Variants in SNX13 observed in about 807,000 individuals in gnomAD.
SNX13 encodes the protein sorting nexin 13.
SNX13 carries 45 observed loss-of-function variants against 133.6 expected under a neutral mutation model. The observed-to-expected ratio is 0.34, with a 90% CI of 0.27 to 0.43. The LOEUF (loss-of-function observed/expected upper bound fraction) is 0.43. Among genes scored for constraint, SNX13 ranks in the 20% least tolerant of loss-of-function variants. SNX13 has a pLI of 1.00. For synonymous variants in SNX13, 414 were observed against 373.9 expected (o/e 1.11, Z -1.24); for missense variants, 1,032 against 1,145.1 (o/e 0.90, Z 1.43).
At chr7:17,897,935 A>ATTC (rs3056696) in intron 1 of SNX13, 91,629 of 151,390 alleles carry the variant, frequency 0.61, 29,023 homozygotes, top group African/African-American at 0.8. Flanking sequence ...AAGGTAAGAA[A>ATTC]TTATCTCATT....
Position 17,850,919 on chromosome 7 carries a change from T to C in SNX13, c.883A>G (p.Lys295Glu). 6.2e-7 allele frequency: 1 copy of C among 1,610,188 alleles called. No individual in the cohort carries two copies. Among genetic ancestry groups the C allele is most frequent in the Non-Finnish European group, 8.5e-7 (1 of 1,178,932 alleles). Residue 295 changes from lysine (K) to glutamate (E), a missense_variant, in exon 10 of 26, where the codon AAA becomes GAA. Coordinates refer to ENST00000428135, the MANE Select transcript of SNX13 (RefSeq NM_015132.5). Reference protein sequence around the residue: ...CNYEAFMNIIKLSDNIGELEA... With the variant: ...CNYEAFMNIIELSDNIGELEA... ...AGCTCTCCAATATTGTCACTCAATT[T>C]AATAATGTTCATAAAGGCCTCATAG... is the stretch of plus-strand genomic sequence containing the variant.
rs548430343 is a variant in SNX13, at chr7:17,890,162, C to T, written c.440+201G>A. 1.4e-5 allele frequency: 6 copies of T among 417,814 alleles called. No homozygotes were observed. In the South Asian group the frequency reaches 4.0e-4, roughly 28 times the overall value. 25.9% of individuals were successfully genotyped at this position (417,814 alleles called of 1,614,324 possible). On this transcript the variant is annotated intron_variant, in intron 5 of 25. Transcript: ENST00000428135. ...AGAAAGCAGGGCTTAATCAAAATAA[C>T]ATTCTGTAAAAACCTAAAATCTGGG...
intron 17 of SNX13, among the ~76,000 whole-genome samples, chr7:17,825,229 A>G (rs993891243): frequency 1.3e-5 from 2 of 151,482 alleles, no homozygotes; most frequent in South Asian, 4.2e-4. Flanking sequence ...TTAAAAAGAT[A>G]CAAGTTAATG....
intron 24 of SNX13, among the ~76,000 whole-genome samples, chr7:17,797,698 G>C (rs1784208611): frequency 6.6e-6 from 1 of 151,710 alleles, no homozygotes; most frequent in Admixed American, 6.6e-5. Context: ...AATTTTTAAA[G>C]CTCTAGAGGT....
intron 5 of SNX13, 137 bp from the exon 6 acceptor site, chr7:17,875,927 C>T (rs1794679539): frequency 1.6e-6 from 1 of 624,886 alleles, no homozygotes; most frequent in Non-Finnish European, 2.5e-6. Flanking sequence ...TCATTATTAC[C>T]TGTTAGTACT....
At chr7:17,933,361 G>A (rs1356510202) in intron 1 of SNX13, among the ~76,000 whole-genome samples, 3 of 152,078 alleles carry the variant, frequency 2.0e-5, no homozygotes, top group Non-Finnish European at 4.4e-5. Context: ...GGCTAACCTG[G>A]TGAAACCCCG....
chr7:17,830,099 G>A (rs1157474026), intron 15 of SNX13, 52 bp from the exon 16 acceptor site: 4 of 1,373,054 alleles, frequency 2.9e-6, no homozygotes. Flanking sequence ...TAAAACGGTT[G>A]CTTTATCTAA....
At chr7:17,818,872 T>C (rs1443395833) in intron 18 of SNX13, among the ~76,000 whole-genome samples, 2 of 152,202 alleles carry the variant, frequency 1.3e-5, no homozygotes, top group East Asian at 1.9e-4. Context: ...ATGGTGCATA[T>C]TTTTACTCAG....
chr7:17,840,670 A>G (rs1789765623), intron 12 of SNX13, among the ~76,000 whole-genome samples: 1 of 152,086 alleles, frequency 6.6e-6, no homozygotes, highest in Admixed American at 6.6e-5. Flanking sequence ...AAACAAAACA[A>G]AGCTCTACCT....
intron 1 of SNX13, among the ~76,000 whole-genome samples, chr7:17,916,691 A>C (rs1014212181): frequency 2.0e-5 from 3 of 151,808 alleles, no homozygotes; most frequent in African/African-American, 7.3e-5. Flanking sequence ...AAAAAAAAAA[A>C]CCCTGGACCA....
chr7:17,881,440 A>G (rs1011377591), intron 5 of SNX13: 1 of 152,122 alleles, frequency 6.6e-6, no homozygotes, highest in Admixed American at 6.5e-5. Context: ...AATATGTATT[A>G]ATCTTCAACA....
chr7:17,798,515 T>C (rs1784291651), intron 24 of SNX13, among the ~76,000 whole-genome samples, 175 bp downstream of exon 24: 1 of 151,850 alleles, frequency 6.6e-6, no homozygotes, highest in Non-Finnish European at 1.5e-5. Flanking sequence ...GAAACAAAGA[T>C]CAATAGGTTC....
intron 5 of SNX13, among the ~76,000 whole-genome samples, chr7:17,886,487 G>A (rs1171402539): frequency 6.6e-6 from 1 of 151,986 alleles, no homozygotes; most frequent in Non-Finnish European, 1.5e-5. Flanking sequence ...AGAATTGCTT[G>A]AACCTGGGAT....
intron 24 of SNX13, 132 bp downstream of exon 24, chr7:17,798,558 T>A (rs961976707): frequency 8.0e-6 from 5 of 626,678 alleles, no homozygotes; most frequent in African/African-American, 7.7e-5. Flanking sequence ...TTCTTAGAAG[T>A]CTTTTTGCTC....
At chr7:17,905,521 T>C (rs1798295740) in intron 1 of SNX13, among the ~76,000 whole-genome samples, 1 of 152,226 alleles carries the variant, frequency 6.6e-6, no homozygotes, top group East Asian at 1.9e-4. Context: ...CAAAAGGCAG[T>C]TTTGCAGGTG....
intron 20 of SNX13, among the ~76,000 whole-genome samples, chr7:17,811,680 T>C (rs1210570978): frequency 1.3e-5 from 2 of 151,836 alleles, no homozygotes; most frequent in East Asian, 1.9e-4. Flanking sequence ...AAAGAGCCCA[T>C]ATAGACAAGA....
chr7:17,933,259 G>A (rs1801609570), intron 1 of SNX13, among the ~76,000 whole-genome samples: 1 of 152,154 alleles, frequency 6.6e-6, no homozygotes, highest in East Asian at 1.9e-4. Context: ...TTTGCTTTAA[G>A]GCGGCCGGGC....
chr7:17,910,544 C>T (rs1460581275), intron 1 of SNX13, among the ~76,000 whole-genome samples: 6 of 152,136 alleles, frequency 3.9e-5, no homozygotes, highest in Non-Finnish European at 8.8e-5. Flanking sequence ...TGATATGACT[C>T]AGCAATTCCA....
intron 20 of SNX13, among the ~76,000 whole-genome samples, chr7:17,810,925 C>T (rs1368174646): frequency 1.3e-5 from 2 of 152,144 alleles, no homozygotes; most frequent in Non-Finnish European, 2.9e-5. Flanking sequence ...TCAATAGATG[C>T]AGAAAAGGCC....
Sources: allele counts gnomAD v4.1 joint callset (sites outside exome capture counted in the v4.1 genomes callset), GRCh38; gene constraint gnomAD v4.1.1; transcripts MANE v1.5; gene names NCBI Gene and HGNC (gene_info 2026-07-23, HGNC 2026-07-21).